Variants in TRHDE observed in about 807,000 individuals in gnomAD.
The protein encoded by TRHDE is thyrotropin-releasing hormone-degrading ectoenzyme.
In TRHDE, 72 loss-of-function variants were observed where a neutral mutation model predicts 125.7. The ratio of observed to expected loss-of-function variants is 0.57; its 90% CI spans 0.47 to 0.70. TRHDE has a LOEUF of 0.70. Among genes scored for constraint, TRHDE ranks in the 30% least tolerant of loss-of-function variants. The probability of loss-of-function intolerance (pLI) is 0.00; values close to 1 mark genes in which losing one functional copy is unlikely to be tolerated. For synonymous variants in TRHDE, 509 were observed against 509.1 expected, an observed-to-expected ratio of 1.00 and a Z score of 0.00; for missense variants, 1,110 against 1,327.1, an observed-to-expected ratio of 0.84 and a Z score of 2.54.
intron 5 of TRHDE, among the ~76,000 whole-genome samples, chr12:72,484,116 G>A (rs138825192): frequency 2.9e-3 from 435 of 151,972 alleles, no homozygotes; most frequent in East Asian, 8.9e-3. Flanking sequence ...AAAATTAGTC[G>A]TATACATTTA....
intron 5 of TRHDE, among the ~76,000 whole-genome samples, chr12:72,489,178 G>C (rs1877544745): frequency 6.7e-6 from 1 of 148,234 alleles, no homozygotes; most frequent in Non-Finnish European, 1.5e-5. Flanking sequence ...AATACAGAAT[G>C]GAAAAACCAT....
intron 6 of TRHDE, among the ~76,000 whole-genome samples, chr12:72,541,257 C>T (rs1869134220): frequency 6.6e-6 from 1 of 151,574 alleles, no homozygotes; most frequent in Non-Finnish European, 1.5e-5. Flanking sequence ...TCATTGCTTA[C>T]AATCCACTGC....
At chr12:72,345,566 T>C (rs1359298731) in intron 2 of TRHDE, among the ~76,000 whole-genome samples, 1 of 152,154 alleles carries the variant, frequency 6.6e-6, no homozygotes, top group African/African-American at 2.4e-5. Context: ...AATGGTCATG[T>C]CTAACATCCA....
chr12:72,517,040 G>C (rs1004599530), intron 6 of TRHDE, among the ~76,000 whole-genome samples: 1 of 152,122 alleles, frequency 6.6e-6, no homozygotes, highest in Middle Eastern at 3.4e-3. Context: ...GCTGGATTCA[G>C]TTTGCCAGTA....
chr12:72,486,139 C>T (rs2135919685), intron 5 of TRHDE, among the ~76,000 whole-genome samples: 1 of 152,244 alleles, frequency 6.6e-6, no homozygotes, highest in Admixed American at 6.5e-5. Flanking sequence ...GTGCCTGGAC[C>T]CTTAGGATCA....
chr12:72,618,856 C>T (rs189951354), intron 12 of TRHDE, 35 bp from the exon 13 acceptor site: 13 of 1,429,166 alleles, frequency 9.1e-6, no homozygotes, highest in African/African-American at 3.0e-5. Flanking sequence ...TTCGTTTGTG[C>T]ATCATCATGT....
chr12:72,320,879 A>C (rs1237164286), intron 2 of TRHDE, among the ~76,000 whole-genome samples: 2 of 152,146 alleles, frequency 1.3e-5, no homozygotes, highest in African/African-American at 4.8e-5. Context: ...AGTGAGGGTG[A>C]AAATACTTGC....
chr12:72,577,805 C>A (rs1393855088), intron 12 of TRHDE, among the ~76,000 whole-genome samples: 3 of 152,060 alleles, frequency 2.0e-5, no homozygotes, highest in African/African-American at 4.8e-5. Flanking sequence ...CTTTCAATTA[C>A]AATTTTGGGA....
chr12:72,434,242 G>A (rs925581995), intron 3 of TRHDE, among the ~76,000 whole-genome samples: 4 of 151,666 alleles, frequency 2.6e-5, no homozygotes, highest in Non-Finnish European at 4.4e-5. Context: ...AAAATTAGCC[G>A]AGCATGGTGG....
At chr12:72,277,128 A>G (rs1368051675) in intron 1 of TRHDE, among the ~76,000 whole-genome samples, 1 of 152,212 alleles carries the variant, frequency 6.6e-6, no homozygotes, top group African/African-American at 2.4e-5. Context: ...AAGTGAGACG[A>G]CATTAAAAAT....
chr12:72,140,805 C>A (rs1364159743), intron 2 of TRHDE, among the ~76,000 whole-genome samples: 1 of 152,100 alleles, frequency 6.6e-6, no homozygotes, highest in East Asian at 1.9e-4. Context: ...ACAGTTATTT[C>A]AACTGAGTTT....
intron 6 of TRHDE, among the ~76,000 whole-genome samples, chr12:72,509,598 T>C (rs1878501204): frequency 6.6e-6 from 1 of 152,164 alleles, no homozygotes; most frequent in Admixed American, 6.5e-5. Context: ...AAATGTCACC[T>C]TCTCAAGAAG....
At chr12:72,395,990 A>G (rs1319423733) in intron 3 of TRHDE, among the ~76,000 whole-genome samples, 1 of 151,822 alleles carries the variant, frequency 6.6e-6, no homozygotes, top group Non-Finnish European at 1.5e-5. Flanking sequence ...ATCTGTACTC[A>G]TATATCTTGT....
intron 2 of TRHDE, among the ~76,000 whole-genome samples, chr12:72,152,630 CT>C (rs1348579549): frequency 6.6e-6 from 1 of 152,142 alleles, no homozygotes; most frequent in Non-Finnish European, 1.5e-5. Flanking sequence ...TGTCAAAGGC[CT>C]TTTCTGCATC....
rs1481441461 is a variant in TRHDE, at chr12:72,621,115, T to C, written c.2477T>C (p.Ile826Thr). ...MENYNIFNEY[I>T]LKQVATTYIK... ...ATTCTATACCCCATTTAGGAATATA[T>C]TTTAAAGCAAGTTGCAACAACATAT... The change falls in exon 14 of 19, where the codon ATT becomes ACT. Residue 826 changes from isoleucine (I) to threonine (T), a missense_variant. Physicochemically the swap from Ile to Thr is moderately conservative, Grantham distance 89. Around this residue, in one of 5 missense-constraint regions of TRHDE, gnomAD observed 527 missense variants for 651.8 expected, o/e 0.81. Coordinates refer to ENST00000261180, the MANE Select transcript of TRHDE (RefSeq NM_013381.3). 6.2e-7 allele frequency: 1 copy of C among 1,602,808 alleles called. No homozygotes were observed. Among genetic ancestry groups the C allele is most frequent in the Non-Finnish European group, 8.5e-7 (1 of 1,170,896 alleles).
intron 2 of TRHDE, among the ~76,000 whole-genome samples, chr12:72,129,213 A>G (rs1396758703): frequency 1.3e-5 from 2 of 152,316 alleles, no homozygotes; most frequent in African/African-American, 4.8e-5. Flanking sequence ...AAACATCTGA[A>G]AGCTAAAAAA....
intron 5 of TRHDE, among the ~76,000 whole-genome samples, chr12:72,480,928 T>C (rs1173126935): frequency 6.6e-6 from 1 of 152,136 alleles, no homozygotes; most frequent in Non-Finnish European, 1.5e-5. Context: ...ACCACTATTT[T>C]ATCTCTCCTT....
chr12:72,381,448 T>G (rs1196732594), intron 3 of TRHDE, among the ~76,000 whole-genome samples: 6 of 147,546 alleles, frequency 4.1e-5, no homozygotes, highest in East Asian at 2.0e-4. Flanking sequence ...CAGGCTGGAG[T>G]GCAGTGGCGG....
intron 2 of TRHDE, among the ~76,000 whole-genome samples, chr12:72,154,266 C>T (rs1876448162): frequency 1.3e-5 from 2 of 152,116 alleles, no homozygotes; most frequent in African/African-American, 4.8e-5. Flanking sequence ...TTCCTCCATC[C>T]CTTTATTTTG....
Sources: allele counts gnomAD v4.1 joint callset (sites outside exome capture counted in the v4.1 genomes callset), GRCh38; gene constraint gnomAD v4.1.1; regional missense constraint gnomAD v4.1.1; transcripts MANE v1.5; gene names NCBI Gene and HGNC (gene_info 2026-07-23, HGNC 2026-07-21).